RAPGEF2: variants seen among roughly 807,000 people sequenced by gnomAD.
RAPGEF2 encodes the protein Rap guanine nucleotide exchange factor 2.
In RAPGEF2, 54 loss-of-function variants were observed where a neutral mutation model predicts 186.7. That is an observed-to-expected ratio of 0.29 (90% confidence interval 0.23 to 0.36). The LOEUF (loss-of-function observed/expected upper bound fraction) is 0.36. Ranked by LOEUF, RAPGEF2 falls within the 10% of genes least tolerant of loss-of-function variation. RAPGEF2 has a pLI of 1.00. For synonymous variants in RAPGEF2, 712 were observed against 705.9 expected (o/e 1.01, Z -0.14); for missense variants, 1,532 against 2,045.0 (o/e 0.75, Z 4.84).
At chr4:159,355,241 G>A (rs182109607) in intron 28 of RAPGEF2, among the ~76,000 whole-genome samples, 2 of 152,230 alleles carry the variant, frequency 1.3e-5, no homozygotes, top group East Asian at 1.9e-4. Context: ...TCAATAAAGG[G>A]ATTTTAAGAA....
At chr4:159,226,154 G>A (rs1752007701) in intron 4 of RAPGEF2, among the ~76,000 whole-genome samples, 1 of 152,022 alleles carries the variant, frequency 6.6e-6, no homozygotes, top group Admixed American at 6.6e-5. Flanking sequence ...TTTAATTTTT[G>A]TGTGTGGTAT....
chr4:159,338,508 T>A, intron 18 of RAPGEF2, 40 bp downstream of exon 18: 1 of 1,530,638 alleles, frequency 6.5e-7, no homozygotes, highest in Non-Finnish European at 9.0e-7. Flanking sequence ...CTTATAGTTA[T>A]CTTTTTATTT....
chr4:159,349,772 G>T (rs1175064242), intron 25 of RAPGEF2, among the ~76,000 whole-genome samples: 3 of 152,176 alleles, frequency 2.0e-5, no homozygotes, highest in Non-Finnish European at 4.4e-5. Flanking sequence ...ATGTCTAGCT[G>T]TGCCACTTCC....
At chr4:159,214,387 G>GA (rs1335211855) in intron 4 of RAPGEF2, among the ~76,000 whole-genome samples, 1 of 152,208 alleles carries the variant, frequency 6.6e-6, no homozygotes, top group Non-Finnish European at 1.5e-5. Flanking sequence ...TGTGGGGCTA[G>GA]ACAGCAGTAG....
intron 8 of RAPGEF2, among the ~76,000 whole-genome samples, chr4:159,310,695 A>G (rs921697200): frequency 6.6e-6 from 1 of 152,156 alleles, no homozygotes; most frequent in Non-Finnish European, 1.5e-5. Flanking sequence ...CAGTACCTGT[A>G]TAAGATAAAT....
At chr4:159,118,731 G>T (rs59746384) in intron 1 of RAPGEF2, among the ~76,000 whole-genome samples, 1 of 151,724 alleles carries the variant, frequency 6.6e-6, no homozygotes, top group African/African-American at 2.4e-5. Context: ...GATTACAGGC[G>T]CCCGCCTCCT....
At chr4:159,155,103 T>C (rs1187927757) in intron 1 of RAPGEF2, among the ~76,000 whole-genome samples, 1 of 152,112 alleles carries the variant, frequency 6.6e-6, no homozygotes, top group Non-Finnish European at 1.5e-5. Context: ...AGTGTAAATC[T>C]CCCCAGAGAT....
intron 8 of RAPGEF2, among the ~76,000 whole-genome samples, chr4:159,311,316 A>T (rs1177177252): frequency 6.6e-6 from 1 of 152,202 alleles, no homozygotes; most frequent in Non-Finnish European, 1.5e-5. Context: ...TTAGTCTAAG[A>T]TACTATTTTA....
At chr4:159,315,791 TC>T (rs1764518168) in intron 9 of RAPGEF2, among the ~76,000 whole-genome samples, 1 of 152,174 alleles carries the variant, frequency 6.6e-6, no homozygotes, top group Non-Finnish European at 1.5e-5. Flanking sequence ...TTTAGTACTT[TC>T]ACTAATTTAC....
Position 159,350,171 on chromosome 4 carries a change from T to G in RAPGEF2, c.3747T>G (p.Leu1249=), listed in dbSNP as rs1730970606. Residue 1249 remains leucine (L), a synonymous_variant, in exon 26 of 30, where the codon CTT becomes CTG. Transcript: ENST00000691494. ...CTCCACAAGCTTTAAAAAAAATTCT[T>G]TCTTTGTCTGAAGAAGGAAGTTTGG... ...INSPQALKKI[L]SLSEEGSLER... The G allele has an allele frequency of 1.3e-6, 2 of 1,578,786 alleles. No homozygotes were observed. The highest frequency in any genetic ancestry group is 4.6e-5 in the East Asian group (2 of 43,706).
intron 1 of RAPGEF2, among the ~76,000 whole-genome samples, chr4:159,110,052 G>C (rs1037413081): frequency 3.3e-5 from 5 of 152,198 alleles, no homozygotes; most frequent in Non-Finnish European, 5.9e-5. Context: ...GGACAGGCTG[G>C]CTGAATGTGT....
intron 9 of RAPGEF2, among the ~76,000 whole-genome samples, chr4:159,315,871 C>T (rs1764529835): frequency 6.6e-6 from 1 of 152,222 alleles, no homozygotes; most frequent in South Asian, 2.1e-4. Context: ...AGCGTGACCA[C>T]TGAAGCACAG....
intron 28 of RAPGEF2, 44 bp downstream of exon 28, chr4:159,354,090 C>T (rs1731605643): frequency 2.7e-6 from 4 of 1,479,038 alleles, no homozygotes; most frequent in Middle Eastern, 3.6e-4. Flanking sequence ...TGGATCATGT[C>T]TTTAATGTAA....
rs367683559 is a variant in RAPGEF2 at position 159,332,692 on chromosome 4, A to G, written c.2130A>G (p.Pro710=). ...KTRISILPQK[P]YNDIGIGQSQ... is the part of the protein sequence containing the mutation. ...GGATCAGTATCTTGCCACAGAAACC[A>G]TACAAGTAAGCATCTGCATATGTCT... The change falls in exon 17 of 30, where the codon CCA becomes CCG. Residue 710 remains proline (P), a synonymous_variant. Coordinates refer to ENST00000691494, the MANE Select transcript of RAPGEF2 (RefSeq NM_001394067.2). The G allele has an allele frequency of 6.2e-7, 1 of 1,614,042 alleles. No homozygotes were observed. The highest frequency in any genetic ancestry group is 8.5e-7 in the Non-Finnish European group (1 of 1,179,942).
At chr4:159,239,870 C>T (rs549241106) in intron 5 of RAPGEF2, among the ~76,000 whole-genome samples, 60 of 152,270 alleles carry the variant, frequency 3.9e-4, no homozygotes, top group African/African-American at 1.4e-3. Flanking sequence ...GTAAACAATT[C>T]TAGGTCTCTT....
chr4:159,308,577 C>T (rs2111076805), intron 8 of RAPGEF2, among the ~76,000 whole-genome samples: 1 of 152,230 alleles, frequency 6.6e-6, no homozygotes, highest in African/African-American at 2.4e-5. Flanking sequence ...TCATACAGTT[C>T]TGATTTCAGA....
At chr4:159,315,735 CAA>C (rs746073764) in intron 9 of RAPGEF2, among the ~76,000 whole-genome samples, 1 of 152,168 alleles carries the variant, frequency 6.6e-6, no homozygotes, top group Non-Finnish European at 1.5e-5. Context: ...AGAGAGGAGA[CAA>C]AGAGAAAGAC....
At chr4:159,335,413 C>T (rs536927882) in intron 17 of RAPGEF2, among the ~76,000 whole-genome samples, 1 of 152,224 alleles carries the variant, frequency 6.6e-6, no homozygotes, top group East Asian at 1.9e-4. Context: ...AGGGACATTT[C>T]TGAATTAGGT....
chr4:159,333,341 G>T (rs1345934583), intron 17 of RAPGEF2, among the ~76,000 whole-genome samples: 2 of 152,126 alleles, frequency 1.3e-5, no homozygotes, highest in East Asian at 3.8e-4. Context: ...ATTTAGAGTT[G>T]CTTTTTCTAC....
Sources: allele counts gnomAD v4.1 joint callset (sites outside exome capture counted in the v4.1 genomes callset), GRCh38; gene constraint gnomAD v4.1.1; transcripts MANE v1.5; gene names NCBI Gene and HGNC (gene_info 2026-07-23, HGNC 2026-07-21).